The following PCGF6 variants were observed in gnomAD, a reference collection of about 807,000 sequenced individuals.
The protein encoded by PCGF6 is polycomb group ring finger 6, also known as polycomb group RING finger protein 6.
In PCGF6, 24 loss-of-function variants were observed where a neutral mutation model predicts 45.5. That is an observed-to-expected ratio of 0.53 (90% CI 0.38 to 0.74). The LOEUF is 0.74. Ranked by LOEUF, PCGF6 falls within the 30% of genes least tolerant of loss-of-function variation. The pLI is 0.00. For synonymous variants in PCGF6, 152 were observed against 162.1 expected (o/e 0.94, Z 0.47); for missense variants, 356 against 443.2 (o/e 0.80, Z 1.77).
At chr10:103,314,954 TAA>T (rs60182387) in intron 8 of PCGF6, among the ~76,000 whole-genome samples, 456 of 57,140 alleles carry the variant, frequency 8.0e-3, no homozygotes, top group African/African-American at 0.024. Context: ...GACTCTGTCA[TAA>T]AAAAAAAAAA....
intron 9 of PCGF6, among the ~76,000 whole-genome samples, chr10:103,311,095 C>T (rs915099970): frequency 3.3e-5 from 5 of 152,170 alleles, no homozygotes; most frequent in South Asian, 2.1e-4. Flanking sequence ...CTTGGCCCCA[C>T]AAAATGTTGG....
chr10:103,346,132 T>C (rs1592078393), intron 5 of PCGF6, among the ~76,000 whole-genome samples: 1 of 147,708 alleles, frequency 6.8e-6, no homozygotes, highest in Non-Finnish European at 1.5e-5. Context: ...GAGGCGGAGG[T>C]TGCAGTGAGC....
Position 103,303,896 on chromosome 10 carries a change from C to T in PCGF6, c.*9G>A, listed in dbSNP as rs1270847436. On this transcript the variant is annotated 3_prime_UTR_variant, in exon 10 of 10. Coordinates refer to ENST00000369847, the MANE Select transcript of PCGF6 (RefSeq NM_001011663.2). Reference sequence around the variant, plus strand: ...CTTTGTTTCCCTCCTCATAATGTGCCTAGAATCTTCAAGTTATCTTCAGAG... The same window carrying T: ...CTTTGTTTCCCTCCTCATAATGTGCTTAGAATCTTCAAGTTATCTTCAGAG... The T allele has an allele frequency of 1.2e-6, 2 of 1,606,742 alleles. No homozygotes were observed. Among genetic ancestry groups the T allele is most frequent in the African/African-American group, 2.7e-5 (2 of 74,800 alleles).
chr10:103,339,847 A>G (rs2093273440), intron 6 of PCGF6, among the ~76,000 whole-genome samples: 1 of 140,444 alleles, frequency 7.1e-6, no homozygotes. Flanking sequence ...ACACACACAC[A>G]CACACACACA....
intron 9 of PCGF6, among the ~76,000 whole-genome samples, chr10:103,312,948 G>A (rs968366646): frequency 8.0e-5 from 12 of 149,826 alleles, no homozygotes; most frequent in Admixed American, 4.7e-4. Context: ...GCGACAGAGC[G>A]AGACTCCGTC....
chr10:103,331,793 T>C (rs1423513027), intron 7 of PCGF6, among the ~76,000 whole-genome samples: 1 of 151,882 alleles, frequency 6.6e-6, no homozygotes, highest in Non-Finnish European at 1.5e-5. Context: ...ATTTAATACA[T>C]CTCTCTCTCT....
At chr10:103,340,492 C>T (rs890459987) in intron 6 of PCGF6, among the ~76,000 whole-genome samples, 1 of 152,046 alleles carries the variant, frequency 6.6e-6, no homozygotes, top group Non-Finnish European at 1.5e-5. Flanking sequence ...ACACCCATCA[C>T]ACGTTTACCA....
chr10:103,328,402 A>G (rs1273827143), intron 7 of PCGF6, among the ~76,000 whole-genome samples: 1 of 152,150 alleles, frequency 6.6e-6, no homozygotes, highest in African/African-American at 2.4e-5. Context: ...CTTGCTTGTT[A>G]TACTTGAGCA....
rs1379466330 is a variant in PCGF6, at chr10:103,333,967, C to A, written c.783-15G>T. On this transcript the variant is annotated splice_polypyrimidine_tract_variant and intron_variant, in intron 6 of 9. Coordinates refer to ENST00000369847, the MANE Select transcript of PCGF6 (RefSeq NM_001011663.2). Reference sequence around the variant, plus strand: ...CTTCATTAGCACTGAAAAATGAGAGCAAAATTAATCAATATTTAATACTTT... The same window carrying A: ...CTTCATTAGCACTGAAAAATGAGAGAAAAATTAATCAATATTTAATACTTT... 3 of 1,500,220 alleles carry A rather than the reference C, an allele frequency of 2.0e-6. No individual in the cohort carries two copies. Among genetic ancestry groups the A allele is most frequent in the South Asian group, 1.3e-5 (1 of 74,708 alleles). The allele number at this position is 1,500,220 out of a possible 1,614,324, so 92.9% of individuals were successfully genotyped here.
intron 6 of PCGF6, among the ~76,000 whole-genome samples, chr10:103,339,810 A>C (rs199615301): frequency 0.068 from 2,176 of 31,938 alleles, 190 homozygotes; most frequent in South Asian, 0.24. Context: ...TCAAAAAAAA[A>C]ACACACACAC....
chr10:103,315,921 A>G lies in PCGF6; in HGVS notation c.910-1649T>C, dbSNP rs973396932. 2.6e-5 allele frequency among the ~76,000 whole-genome samples: 4 copies of G among 151,600 alleles called. No homozygotes were observed. The South Asian group carries it at 6.2e-4, about 24-fold the overall frequency. On this transcript the variant is annotated intron_variant, in intron 8 of 9. Transcript: ENST00000369847. ...GCAAATCTTTAATCTTTCACTGAGT[A>G]CTACTTCCTATTACCTTAAAATGGG...
At chr10:103,332,320 C>T (rs1181886974) in intron 7 of PCGF6, among the ~76,000 whole-genome samples, 1 of 152,132 alleles carries the variant, frequency 6.6e-6, no homozygotes, top group Non-Finnish European at 1.5e-5. Flanking sequence ...TACTCTGTCA[C>T]CTAGGCTAGA....
At chr10:103,350,321 C>A (rs1181466095) in intron 1 of PCGF6, among the ~76,000 whole-genome samples, 1 of 151,584 alleles carries the variant, frequency 6.6e-6, no homozygotes, top group African/African-American at 2.4e-5. Context: ...TGCCTGTAGT[C>A]CCAGCTACTC....
intron 6 of PCGF6, among the ~76,000 whole-genome samples, chr10:103,344,200 T>A (rs1396975111): frequency 6.6e-6 from 1 of 151,342 alleles, no homozygotes; most frequent in Non-Finnish European, 1.5e-5. Flanking sequence ...GCAAAAACAA[T>A]GCTACATATT....
In PCGF6 at chr10:103,351,139, C is replaced by T. The variant is rs929035912; in HGVS notation, c.-73G>A. On this transcript the variant is annotated 5_prime_UTR_variant, in exon 1 of 10. In the 5' UTR this introduces an upstream ATG that the reference lacks. Coordinates refer to ENST00000369847, the MANE Select transcript of PCGF6 (RefSeq NM_001011663.2). ...GTTCGGCCGGCCTCGGACGCCACCACTGCGCAGGCGCGGCAGCCTGAGGGG... is the reference window on the plus strand; with the variant it reads ...GTTCGGCCGGCCTCGGACGCCACCATTGCGCAGGCGCGGCAGCCTGAGGGG... 7.7e-7 allele frequency: 1 copy of T among 1,302,336 alleles called. No individual in the cohort carries two copies. The highest frequency in any genetic ancestry group is 9.8e-7 in the Non-Finnish European group (1 of 1,017,736). 80.7% of individuals were successfully genotyped at this position (1,302,336 alleles called of 1,614,324 possible). A position where few individuals can be genotyped will look rare whatever the true frequency, so the allele number is the denominator to read the frequency against.
intron 6 of PCGF6, among the ~76,000 whole-genome samples, chr10:103,342,282 G>A (rs75079768): frequency 2.5e-4 from 38 of 151,356 alleles, no homozygotes; most frequent in African/African-American, 8.7e-4. Flanking sequence ...TGCCCAGGCT[G>A]GAGTGCAACA....
chr10:103,331,789 T>C (rs181227659), intron 7 of PCGF6, among the ~76,000 whole-genome samples: 1 of 152,102 alleles, frequency 6.6e-6, no homozygotes, highest in South Asian at 2.1e-4. Flanking sequence ...TGTCATTTAA[T>C]ACATCTCTCT....
intron 6 of PCGF6, among the ~76,000 whole-genome samples, chr10:103,341,404 G>A (rs1018815935): frequency 6.7e-6 from 1 of 149,078 alleles, no homozygotes; most frequent in Admixed American, 6.7e-5. Flanking sequence ...CTAAAGGCGC[G>A]CACCACCATG....
intron 8 of PCGF6, among the ~76,000 whole-genome samples, chr10:103,324,759 CAAAAAAAAAAAAAACCA>C: frequency 2.4e-5 from 1 of 41,750 alleles, no homozygotes; most frequent in African/African-American, 9.6e-5. Flanking sequence ...GACTCCGCCT[CAAAAAAAAAAAAAACCA>C]AAAAAAAAAA....
Sources: allele counts gnomAD v4.1 joint callset (sites outside exome capture counted in the v4.1 genomes callset), GRCh38; gene constraint gnomAD v4.1.1; transcripts MANE v1.5; gene names NCBI Gene and HGNC (gene_info 2026-07-23, HGNC 2026-07-21).